Variants in FN1 observed in about 807,000 individuals in gnomAD.
FN1 encodes the protein fibronectin 1.
Under a neutral mutation model 297.3 loss-of-function variants are expected in FN1, and 106 were observed. The ratio of observed to expected loss-of-function variants is 0.36; its 90% CI spans 0.30 to 0.42. FN1 has a LOEUF of 0.42. FN1 is among the 10% of genes least tolerant of loss of function. FN1 has a pLI of 1.00. For missense variants in FN1, 2,690 were observed against 3,124.9 expected (o/e 0.86, Z 3.32); for synonymous variants, 1,149 against 1,152.6 (o/e 1.00, Z 0.06).
rs374702046 is a variant in FN1, at chr2:215,414,829, A to T, written c.1941+8T>A. ...TCAGTATCCAAGGTTTCTGGGTGGG[A>T]TACTCACAGGTCTCCACCTGAGAAT... On this transcript the variant is annotated splice_region_variant and intron_variant, in intron 13 of 45. Coordinates refer to ENST00000354785, the MANE Select transcript of FN1 (RefSeq NM_212482.4). 6.2e-7 allele frequency: 1 copy of T among 1,613,706 alleles called. No individual in the cohort carries two copies. Among genetic ancestry groups the T allele is most frequent in the Non-Finnish European group, 8.5e-7 (1 of 1,179,764 alleles).
Position 215,431,957 on chromosome 2 carries a change from G to A in FN1, c.423C>T (p.Cys141=), listed in dbSNP as rs772196853. 6.2e-7 allele frequency: 1 copy of A among 1,614,120 alleles called. No individual in the cohort carries two copies. The highest frequency in any genetic ancestry group is 2.2e-5 in the East Asian group (1 of 44,876). ...GRISCTIANR[C]HEGGQSYKIG... ...TCTTGTAGGACTGACCCCCTTCATG[G>A]CAGCGGTCTGTTGAAGATACAACGA... The change falls in exon 4 of 46, where the codon TGC becomes TGT. Residue 141 remains cysteine, a synonymous_variant. Transcript: ENST00000354785.
chr2:215,423,474 G>A lies in FN1; in HGVS notation c.1269C>T (p.Pro423=), dbSNP rs1478490994. 3 of 1,614,200 alleles carry A rather than the reference G, an allele frequency of 1.9e-6. No individual in the cohort carries two copies. The highest frequency in any genetic ancestry group is 2.2e-5 in the South Asian group (2 of 91,082). The part of the protein sequence containing the change: ...GNSNGALCHF[P]FLYNNHNYTD... The stretch of plus-strand genomic sequence containing the variant: ...TGTAATTGTGGTTGTTGTATAGGAA[G>A]GGGAAGTGGCACAAGGCACCATTGG... Residue 423 remains proline, a synonymous_variant, in exon 9 of 46, where the codon CCC becomes CCT. Transcript: ENST00000354785.
chr2:215,399,251 G>A lies in FN1; in HGVS notation c.3348+6C>T, dbSNP rs752975110. 3 of 1,603,738 alleles carry A rather than the reference G, an allele frequency of 1.9e-6. No homozygotes were observed. Among genetic ancestry groups the A allele is most frequent in the Admixed American group, 1.7e-5 (1 of 59,982 alleles). The stretch of plus-strand genomic sequence containing the variant: ...ATCACAGAGATTAGGAACATCTGCA[G>A]TTTACCTTAAAACCAATTCTTGGAG... On this transcript the variant is annotated splice_donor_region_variant and intron_variant, in intron 21 of 45. Transcript: ENST00000354785.
At chr2:215,368,062 A>G in intron 41 of FN1, 35 bp from the exon 42 acceptor site, 1 of 1,606,404 alleles carries the variant, frequency 6.2e-7, no homozygotes, top group Non-Finnish European at 8.5e-7. Context: ...AAAAAGAGAC[A>G]TCTTATTAAT....
chr2:215,365,382 A>G (rs1575176317), intron 43 of FN1, 123 bp downstream of exon 43: 2 of 1,037,860 alleles, frequency 1.9e-6, no homozygotes, highest in East Asian at 4.8e-5. Context: ...AGATTAAGAA[A>G]CCCACTGTTC....
Position 215,391,639 on chromosome 2 carries a change from G to T in FN1, c.4245C>A (p.Val1415=). Residue 1415 remains valine (V), a synonymous_variant, in exon 26 of 46, where the codon GTC becomes GTA. Transcript: ENST00000354785. The part of the protein sequence containing the change: ...LSISPSDNAV[V]LTNLLPGTEY... ...ATACATTCAACTGCTTACTTGTTAA[G>T]ACCACTGCATTGTCTGAAGGAGAAA... 6.2e-7 allele frequency: 1 copy of T among 1,612,874 alleles called. No homozygotes were observed. The highest frequency in any genetic ancestry group is 1.1e-5 in the South Asian group (1 of 91,042).
Position 215,432,074 on chromosome 2 carries a change from C to T in FN1, c.416-110G>A, listed in dbSNP as rs554622311. On this transcript the variant is annotated intron_variant, in intron 3 of 45. Coordinates refer to ENST00000354785, the MANE Select transcript of FN1 (RefSeq NM_212482.4). ...AGGTTGGCTAAAGTAGAGACACAGA[C>T]AACAGCTTTCCCATCAGAGACAGGG... is the stretch of plus-strand genomic sequence containing the variant. The T allele has an allele frequency of 1.3e-5, 16 of 1,257,820 alleles. No homozygotes were observed. In the African/African-American group the frequency reaches 1.8e-4, roughly 14 times the overall value. 77.9% of individuals were successfully genotyped at this position (1,257,820 alleles called of 1,614,324 possible). A position where few individuals can be genotyped will look rare whatever the true frequency, so the allele number is the denominator to read the frequency against.
In FN1 at chr2:215,397,329, T is replaced by TC; in HGVS notation, c.3518-107dup. The TC allele has an allele frequency of 6.4e-6, 4 of 622,832 alleles. No individual in the cohort carries two copies. The East Asian group carries it at 1.3e-4, about 20-fold the overall frequency. 38.6% of individuals were successfully genotyped at this position (622,832 alleles called of 1,614,324 possible). ...CTCTCTTCCATGCTTCTTCCCTCCC[T>TC]CCCTCCCTCCCATAAAAATATAGGT... On this transcript the variant is annotated intron_variant, in intron 22 of 45. Coordinates refer to ENST00000354785, the MANE Select transcript of FN1 (RefSeq NM_212482.4).
At position 215,407,121 on chromosome 2, in the gene FN1, A is replaced by T. The variant is rs367675655; in HGVS notation, c.2713+6T>A. On this transcript the variant is annotated splice_donor_region_variant and intron_variant, in intron 18 of 45. Transcript: ENST00000354785. The stretch of plus-strand genomic sequence containing the variant: ...AACATAGGAAGTGTCTTCTTAAAAA[A>T]GTTACCTGAGCGTGGGGTGCCAGTG... The T allele has an allele frequency of 1.1e-5, 17 of 1,611,904 alleles. No homozygotes were observed. Among genetic ancestry groups the T allele is most frequent in the Non-Finnish European group, 1.4e-5 (16 of 1,178,250 alleles).
At position 215,428,205 on chromosome 2, in the gene FN1, G is replaced by A; in HGVS notation, c.819C>T (p.His273=). The change falls in exon 6 of 46, where the codon CAC becomes CAT. Residue 273 remains histidine (H), a synonymous_variant. Transcript: ENST00000354785. ...CGCTCGATGTGGTCTGCACAGAGGT[G>A]TGCCTCTCACACTTCCACTCTCCTC... The part of the protein sequence containing the change: ...NGRGEWKCER[H]TSVQTTSSGS... The A allele has an allele frequency of 1.2e-6, 2 of 1,614,168 alleles. No individual in the cohort carries two copies.
At chr2:215,430,954 AT>A (rs2066408409) in intron 4 of FN1, 102 bp from the exon 5 acceptor site, 241 of 1,265,582 alleles carry the variant, frequency 1.9e-4, no homozygotes, top group Non-Finnish European at 2.4e-4. Context: ...ATTCAGCCAC[AT>A]TTTTTTTAAG....
In FN1 at chr2:215,428,357, A is replaced by C; in HGVS notation, c.686-19T>G. 1 of 1,612,842 alleles carries C rather than the reference A, an allele frequency of 6.2e-7. No homozygotes were observed. The highest frequency in any genetic ancestry group is 8.5e-7 in the Non-Finnish European group (1 of 1,179,134). On this transcript the variant is annotated intron_variant, in intron 5 of 45. Coordinates refer to ENST00000354785, the MANE Select transcript of FN1 (RefSeq NM_212482.4). ...CATCTATCTGTGTCACAAAGGAAGCACATACATACATCAGGTCGAGAGTCG... is the reference window on the plus strand; with the variant it reads ...CATCTATCTGTGTCACAAAGGAAGCCCATACATACATCAGGTCGAGAGTCG...
At chr2:215,372,462 A>G (rs1420066146) in intron 39 of FN1, 87 bp from the exon 40 acceptor site, 3 of 954,642 alleles carry the variant, frequency 3.1e-6, no homozygotes, top group East Asian at 2.4e-5. Flanking sequence ...TCAGGCAACA[A>G]TGACTGTTCA....
intron 9 of FN1, 40 bp from the exon 10 acceptor site, chr2:215,422,283 C>CACCAG (rs1449928943): frequency 2.5e-6 from 4 of 1,594,770 alleles, no homozygotes; most frequent in Non-Finnish European, 2.6e-6. Flanking sequence ...GATAAATGAT[C>CACCAG]ACCAGGTCTA....
At chr2:215,364,674 A>C in intron 44 of FN1, 1 of 603,460 alleles carries the variant, frequency 1.7e-6, no homozygotes, top group South Asian at 1.9e-5. Context: ...TCTTTCTACT[A>C]AGAGTAATAG....
In FN1 at chr2:215,420,686, C is replaced by T. The variant is rs1359587327; in HGVS notation, c.1662G>A (p.Lys554=). 3 of 1,614,060 alleles carry T rather than the reference C, an allele frequency of 1.9e-6. No homozygotes were observed. In the African/African-American group the frequency reaches 4.0e-5, roughly 22 times the overall value. Residue 554 remains lysine (K), a synonymous_variant, in exon 11 of 46, where the codon AAG becomes AAA. Transcript: ENST00000354785. ...TCFGQGRGRW[K]CDPVDQCQDS... ...AGGGCTACTCACCGACGGGATCACA[C>T]TTCCACCTGCCCCGACCCTGACCGA...
At chr2:215,402,558 A>C (rs76006531) in intron 20 of FN1, among the ~76,000 whole-genome samples, 2,752 of 152,312 alleles carry the variant, frequency 0.018, 90 homozygotes, top group African/African-American at 0.061. Flanking sequence ...TAATTTCAAA[A>C]ACATGCAAGC....
intron 23 of FN1, among the ~76,000 whole-genome samples, chr2:215,395,586 A>G (rs527893101): frequency 3.4e-4 from 52 of 152,168 alleles, no homozygotes; most frequent in African/African-American, 1.1e-3. Context: ...TTGATTGTTG[A>G]AGTCTTCAGG....
intron 20 of FN1, among the ~76,000 whole-genome samples, chr2:215,403,274 C>T (rs983355943): frequency 1.3e-5 from 2 of 152,122 alleles, no homozygotes; most frequent in Non-Finnish European, 2.9e-5. Flanking sequence ...ATGAGCCAAA[C>T]TTCATACAGT....
Sources: allele counts gnomAD v4.1 joint callset (sites outside exome capture counted in the v4.1 genomes callset), GRCh38; gene constraint gnomAD v4.1.1; transcripts MANE v1.5; gene names NCBI Gene and HGNC (gene_info 2026-07-23, HGNC 2026-07-21).